The following NAA15 variants were observed in gnomAD, a reference collection of about 807,000 sequenced individuals.
The protein encoded by NAA15 is N-terminal acetyltransferase.
NAA15 carries 34 observed loss-of-function variants against 114.0 expected under a neutral mutation model. That is an observed-to-expected ratio of 0.30 (90% CI 0.23 to 0.40). The LOEUF (loss-of-function observed/expected upper bound fraction) is 0.40. NAA15 is among the 10% of genes least tolerant of loss of function. The probability of loss-of-function intolerance (pLI) is 1.00; values close to 1 mark genes in which losing one functional copy is unlikely to be tolerated. For synonymous variants in NAA15, 340 were observed against 338.0 expected (o/e 1.01, Z -0.06); for missense variants, 658 against 1,004.5 (o/e 0.66, Z 4.66).
In NAA15 at chr4:139,343,089, A is replaced by G. The variant is rs557511995; in HGVS notation, c.537+129A>G. On this transcript the variant is annotated intron_variant, in intron 5 of 19. Coordinates refer to ENST00000296543, the MANE Select transcript of NAA15 (RefSeq NM_057175.5). ...TAGAAAAGTTGCAGGAATAGCACAA[A>G]GAACTCTACATAGGGGTTCATTCAT... is the stretch of plus-strand genomic sequence containing the variant. 19 of 754,402 alleles carry G rather than the reference A, an allele frequency of 2.5e-5. 2 individuals are homozygous for G. In the South Asian group the frequency reaches 3.5e-4, roughly 14 times the overall value. 46.7% of individuals were successfully genotyped at this position (754,402 alleles called of 1,614,324 possible).
At chr4:139,310,556 T>G (rs1015997208) in intron 1 of NAA15, among the ~76,000 whole-genome samples, 5 of 151,806 alleles carry the variant, frequency 3.3e-5, no homozygotes, top group Non-Finnish European at 7.4e-5. Flanking sequence ...CCTGTGTGAC[T>G]CATTTTTCTT....
intron 1 of NAA15, among the ~76,000 whole-genome samples, chr4:139,319,373 T>C (rs1746525362): frequency 6.6e-6 from 1 of 151,908 alleles, no homozygotes; most frequent in African/African-American, 2.4e-5. Flanking sequence ...CCCAAAGTGC[T>C]GGGATTACAG....
chr4:139,365,964 G>A (rs758952041), intron 14 of NAA15, among the ~76,000 whole-genome samples: 3 of 151,816 alleles, frequency 2.0e-5, no homozygotes, highest in Non-Finnish European at 4.4e-5. Context: ...TGCTTATGTT[G>A]CCATCCATTT....
chr4:139,385,995 C>G (rs1274663666), intron 18 of NAA15, 138 bp from the exon 19 acceptor site: 2 of 513,446 alleles, frequency 3.9e-6, no homozygotes, highest in Admixed American at 3.7e-5. Flanking sequence ...AACAGTATCT[C>G]AAGTAGCTGT....
intron 10 of NAA15, chr4:139,356,413 G>C (rs2110946522): frequency 6.6e-6 from 1 of 152,254 alleles, no homozygotes; most frequent in Admixed American, 6.5e-5. Context: ...ATTGTTTCTA[G>C]GTCTCAGATT....
chr4:139,322,982 C>T (rs1272224742), intron 1 of NAA15, among the ~76,000 whole-genome samples: 1 of 151,822 alleles, frequency 6.6e-6, no homozygotes, highest in Non-Finnish European at 1.5e-5. Flanking sequence ...TAAGCCACCG[C>T]TCCCAGCCTC....
At chr4:139,374,796 A>G (rs1425758579) in intron 15 of NAA15, among the ~76,000 whole-genome samples, 4 of 152,184 alleles carry the variant, frequency 2.6e-5, no homozygotes, top group Admixed American at 1.3e-4. Flanking sequence ...GAGACTACCT[A>G]TCAGAATATC....
chr4:139,304,448 T>A (rs1444532427), intron 1 of NAA15, among the ~76,000 whole-genome samples: 1 of 152,234 alleles, frequency 6.6e-6, no homozygotes, highest in Non-Finnish European at 1.5e-5. Flanking sequence ...CAGTCATCCC[T>A]TGGTATCTGT....
At chr4:139,358,397 T>C (rs1748031522) in intron 11 of NAA15, among the ~76,000 whole-genome samples, 1 of 152,110 alleles carries the variant, frequency 6.6e-6, no homozygotes, top group South Asian at 2.1e-4. Flanking sequence ...AGTTTCGCCA[T>C]GTTGGCTAGG....
intron 3 of NAA15, among the ~76,000 whole-genome samples, chr4:139,337,961 A>G (rs951836580): frequency 6.6e-6 from 1 of 152,228 alleles, no homozygotes. Context: ...CTTAACTATT[A>G]AGACTGTCAT....
At chr4:139,353,864 G>A (rs1747858669) in intron 9 of NAA15, among the ~76,000 whole-genome samples, 162 bp from the exon 10 acceptor site, 1 of 152,172 alleles carries the variant, frequency 6.6e-6, no homozygotes, top group African/African-American at 2.4e-5. Context: ...AAAGTATGAT[G>A]TATTTTAAAA....
chr4:139,311,932 C>G (rs756721295), intron 1 of NAA15, among the ~76,000 whole-genome samples: 3 of 151,672 alleles, frequency 2.0e-5, no homozygotes, highest in Non-Finnish European at 4.4e-5. Context: ...TGCTACTGCA[C>G]TCCAGCCTGG....
chr4:139,376,408 T>G lies in NAA15; in HGVS notation c.1991T>G (p.Leu664Trp), dbSNP rs756439868. 59 of 1,613,144 alleles carry G rather than the reference T, an allele frequency of 3.7e-5. No individual in the cohort carries two copies. Among genetic ancestry groups the G allele is most frequent in the Non-Finnish European group, 4.7e-5 (56 of 1,179,406 alleles). The change falls in exon 16 of 20, where the codon TTG becomes TGG. Residue 664 changes from leucine (L) to tryptophan (W), a missense_variant. By Grantham distance (61) the Leu-to-Trp change is moderately conservative. Coordinates refer to ENST00000296543, the MANE Select transcript of NAA15 (RefSeq NM_057175.5). The stretch of plus-strand genomic sequence containing the variant: ...GAAGCTATTAAATTTTTAACACCGT[T>G]GAAGAACTTGGTGAAGAACAAGATA... ...LEEAIKFLTP[L>W]KNLVKNKIET...
At chr4:139,370,499 G>A (rs1748406478) in intron 15 of NAA15, 95 bp downstream of exon 15, 5 of 1,192,966 alleles carry the variant, frequency 4.2e-6, no homozygotes, top group Non-Finnish European at 5.5e-6. Context: ...ATAACCTTAT[G>A]TGATATAGGT....
At chr4:139,304,213 C>T (rs907973014) in intron 1 of NAA15, among the ~76,000 whole-genome samples, 7 of 152,182 alleles carry the variant, frequency 4.6e-5, no homozygotes, top group African/African-American at 1.4e-4. Flanking sequence ...CCACCGCACC[C>T]GGCCAAGTGT....
intron 9 of NAA15, among the ~76,000 whole-genome samples, chr4:139,352,036 G>A (rs915436880): frequency 7.9e-5 from 12 of 151,700 alleles, no homozygotes; most frequent in African/African-American, 2.7e-4. Context: ...TTTTTTTGAT[G>A]TTCTAATAAG....
Position 139,344,188 on chromosome 4 carries a change from A to G in NAA15, c.540A>G (p.Thr180=). 1 of 1,607,106 alleles carries G rather than the reference A, an allele frequency of 6.2e-7. No homozygotes were observed. The highest frequency in any genetic ancestry group is 8.5e-7 in the Non-Finnish European group (1 of 1,176,912). ...GTATTCCTTATATCCATATACAGAC[A>G]TCCCCTGACAAGGTGGATTATGAAT... ...ILEEFRKTQQ[T]SPDKVDYEYS... The change falls in exon 6 of 20, where the codon ACA becomes ACG. Residue 180 remains threonine (T), a splice_region_variant and synonymous_variant. Transcript: ENST00000296543.
chr4:139,344,981 A>C (rs1198996030), intron 6 of NAA15, among the ~76,000 whole-genome samples: 1 of 152,240 alleles, frequency 6.6e-6, no homozygotes, highest in African/African-American at 2.4e-5. Flanking sequence ...AAATAAAAGA[A>C]GAATAACAAG....
Position 139,308,224 on chromosome 4 carries a change from G to A in NAA15, c.54+6393G>A, listed in dbSNP as rs542677851. Among the ~76,000 whole-genome samples the A allele has an allele frequency of 2.1e-3, 318 of 152,244 alleles. 4 individuals are homozygous for A. The highest frequency in any genetic ancestry group is 7.4e-3 in the African/African-American group (306 of 41,550). Reference sequence around the variant, plus strand: ...GATCTGCCCGCCTTGGCCTCCCTAAGTGCTAGGATTACAGGCATGAACCAC... The same window carrying A: ...GATCTGCCCGCCTTGGCCTCCCTAAATGCTAGGATTACAGGCATGAACCAC... On this transcript the variant is annotated intron_variant, in intron 1 of 19. Coordinates refer to ENST00000296543, the MANE Select transcript of NAA15 (RefSeq NM_057175.5).
Sources: gnomAD v4.1 joint callset for allele counts (sites outside exome capture counted in the v4.1 genomes callset) on GRCh38, gnomAD v4.1.1 for gene constraint, MANE v1.5 for transcripts, NCBI Gene and HGNC (gene_info 2026-07-23, HGNC 2026-07-21) for gene names.